The following AHNAK2 variants were observed in gnomAD, a reference collection of about 807,000 sequenced individuals.
AHNAK2 encodes protein AHNAK2.
Under a neutral mutation model 30.7 loss-of-function variants are expected in AHNAK2, and 18 were observed. The ratio of observed to expected loss-of-function variants is 0.59; its 90% CI spans 0.41 to 0.87. The LOEUF is 0.87. AHNAK2 is among the 40% of genes least tolerant of loss of function. AHNAK2 has a pLI of 0.00. For synonymous variants in AHNAK2, 3,590 were observed against 3,073.8 expected (o/e 1.17, Z -5.56); for missense variants, 8,604 against 7,373.0 (o/e 1.17, Z -6.11).
Position 104,941,952 on chromosome 14 carries a change from G to A in AHNAK2, c.13499C>T (p.Pro4500Leu). 6.2e-7 allele frequency: 1 copy of A among 1,613,620 alleles called. No homozygotes were observed. The highest frequency in any genetic ancestry group is 8.5e-7 in the Non-Finnish European group (1 of 1,179,696). ...APKMEADMSI[P>L]SMQGDLKTTD... ...GGTCTTGAGGTCCCCCTGCATGGAG[G>A]GAATGCTCATGTCGGCCTCCATCTT... The change falls in exon 7 of 7, where the codon CCC becomes CTC. Residue 4500 changes from proline to leucine, a missense_variant. Coordinates refer to ENST00000333244, the MANE Select transcript of AHNAK2 (RefSeq NM_138420.4).
In AHNAK2 at chr14:104,941,050, T is replaced by G. The variant is rs757337922; in HGVS notation, c.14401A>C (p.Arg4801=). Residue 4801 remains arginine (R), a synonymous_variant, in exon 7 of 7, where the codon AGA becomes CGA. Coordinates refer to ENST00000333244, the MANE Select transcript of AHNAK2 (RefSeq NM_138420.4). ...TLTKYQVTVP[R]AALAPELALE... ...GCAAGCTCAGGGGCCAAGGCAGCTC[T>G]GGGAACAGTCACCTGGTATTTTGTA... The G allele has an allele frequency of 1.2e-5, 20 of 1,613,614 alleles. No homozygotes were observed. The highest frequency in any genetic ancestry group is 1.7e-5 in the Non-Finnish European group (20 of 1,179,894).
At position 104,952,346 on chromosome 14, in the gene AHNAK2, G is replaced by C; in HGVS notation, c.3105C>G (p.Pro1035=). 1 of 1,612,834 alleles carries C rather than the reference G, an allele frequency of 6.2e-7. No homozygotes were observed. The highest frequency in any genetic ancestry group is 1.1e-5 in the South Asian group (1 of 91,052). The change falls in exon 7 of 7, where the codon CCC becomes CCG. Residue 1035 remains proline (P), a synonymous_variant. Transcript: ENST00000333244. ...APKVEADLSL[P]SMQGDLKTTD... Reference sequence around the variant, plus strand: ...TGGTCTTCAGGTCCCCCTGCATGGAGGGGAGACTCAGGTCGGCCTCCACCT... The same window carrying C: ...TGGTCTTCAGGTCCCCCTGCATGGACGGGAGACTCAGGTCGGCCTCCACCT...
Position 104,949,964 on chromosome 14 carries a change from C to G in AHNAK2, c.5487G>C (p.Lys1829Asn), listed in dbSNP as rs2140851883. ...GGGCAGACACCCCGAACGACGGCATCTTGAACTTGGGCATTTTGAACTTGC... is the reference window on the plus strand; with the variant it reads ...GGGCAGACACCCCGAACGACGGCATGTTGAACTTGGGCATTTTGAACTTGC... ...KDSKFKMPKF[K>N]MPSFGVSAPG... Residue 1829 changes from lysine (K) to asparagine (N), a missense_variant, in exon 7 of 7, where the codon AAG (lysine) becomes AAC (asparagine). Coordinates refer to ENST00000333244, the MANE Select transcript of AHNAK2 (RefSeq NM_138420.4). 6.3e-7 allele frequency: 1 copy of G among 1,589,340 alleles called. No homozygotes were observed. The highest frequency in any genetic ancestry group is 1.1e-5 in the South Asian group (1 of 90,110).
intron 4 of AHNAK2, 27 bp from the exon 5 acceptor site, chr14:104,955,660 G>A (rs897484471): frequency 6.2e-7 from 1 of 1,607,556 alleles, no homozygotes; most frequent in Non-Finnish European, 8.5e-7. Flanking sequence ...TCAGGGCCAT[G>A]GTGAGCATGT....
In AHNAK2 at chr14:104,950,446, CA is replaced by C. The variant is rs1898621919; in HGVS notation, c.5004del (p.Phe1668LeufsTer25). On this transcript the variant is annotated frameshift_variant, in exon 7 of 7. Transcript: ENST00000333244. LOFTEE classifies it low-confidence loss of function (END_TRUNC). ...ATGGACTTGCCTGGGGCCGACACCC[CA>C]AATGATGGCATCTTGAACTTGGGCA... ...FKMPKFKMPS[F>X]GVSAPGKSIE... 1 of 1,586,672 alleles carries C rather than the reference CA, an allele frequency of 6.3e-7. No homozygotes were observed. Among genetic ancestry groups the C allele is most frequent in the African/African-American group, 1.4e-5 (1 of 72,570 alleles).
At position 104,948,516 on chromosome 14, in the gene AHNAK2, G is replaced by A; in HGVS notation, c.6935C>T (p.Thr2312Ile). ...CATTTTGAACTTGCTGTCTTTGGCA[G>A]TCACGTCCTTGTCGGCCAGGGACAT... is the stretch of plus-strand genomic sequence containing the variant. ...GDMSLADKDV[T>I]AKDSKFKMPK... The change falls in exon 7 of 7, where the codon ACT (threonine) becomes ATT (isoleucine). Residue 2312 changes from threonine (T) to isoleucine (I), a missense_variant. Physicochemically the swap from Thr to Ile is moderately conservative, Grantham distance 89 (BLOSUM62 -1). Coordinates refer to ENST00000333244, the MANE Select transcript of AHNAK2 (RefSeq NM_138420.4). The A allele has an allele frequency of 1.2e-6, 2 of 1,612,050 alleles. No individual in the cohort carries two copies. Among genetic ancestry groups the A allele is most frequent in the Non-Finnish European group, 1.7e-6 (2 of 1,179,550 alleles).
In AHNAK2 at chr14:104,937,996, T is replaced by C; in HGVS notation, c.*67A>G. 6.6e-7 allele frequency: 1 copy of C among 1,519,680 alleles called. No homozygotes were observed. The highest frequency in any genetic ancestry group is 8.9e-7 in the Non-Finnish European group (1 of 1,119,644). The allele number at this position is 1,519,680 out of a possible 1,614,324, so 94.1% of individuals were successfully genotyped here. ...GTGCTGTGGGATGGGGTGCTCCATA[T>C]GTGTGTGTAGCCTTTACTTTCCAAC... On this transcript the variant is annotated 3_prime_UTR_variant, in exon 7 of 7. Transcript: ENST00000333244.
At position 104,941,127 on chromosome 14, in the gene AHNAK2, G is replaced by A. The variant is rs1355070969; in HGVS notation, c.14324C>T (p.Thr4775Ile). 6.2e-7 allele frequency: 1 copy of A among 1,613,638 alleles called. No individual in the cohort carries two copies. ...AGFPSSRLDLTGPHFESSILS... is the reference protein window; with the variant it reads ...AGFPSSRLDLIGPHFESSILS... ...AATAGAAGATTCAAAGTGAGGACCA[G>A]TGAGATCAAGCCGGGATGATGGAAA... Residue 4775 changes from threonine (T) to isoleucine (I), a missense_variant, in exon 7 of 7, where the codon ACT (threonine) becomes ATT (isoleucine). Thr to Ile is a moderately conservative substitution (Grantham distance 89). Coordinates refer to ENST00000333244, the MANE Select transcript of AHNAK2 (RefSeq NM_138420.4).
intron 1 of AHNAK2, among the ~76,000 whole-genome samples, chr14:104,965,418 A>G (rs1025998357): frequency 1.4e-4 from 21 of 150,978 alleles, no homozygotes; most frequent in Admixed American, 2.6e-4. Flanking sequence ...AAAAAAAAAA[A>G]AAAGAAAAGA....
At position 104,950,273 on chromosome 14, in the gene AHNAK2, G is replaced by T; in HGVS notation, c.5178C>A (p.Leu1726=). ...EVQAGQVNVK[L]PEGPLPEGAG... is the part of the protein sequence containing the mutation. ...CTCCCTCGGGAAGGGGGCCCTCCGG[G>T]AGTTTCACGTTCACTTGGCCAGCCT... is the stretch of plus-strand genomic sequence containing the variant. Residue 1726 remains leucine, a synonymous_variant, in exon 7 of 7, where the codon CTC becomes CTA. Transcript: ENST00000333244. 3 of 1,585,804 alleles carry T rather than the reference G, an allele frequency of 1.9e-6. No individual in the cohort carries two copies. The highest frequency in any genetic ancestry group is 1.1e-5 in the South Asian group (1 of 89,776).
intron 1 of AHNAK2, among the ~76,000 whole-genome samples, chr14:104,975,700 A>C (rs1899573488): frequency 6.6e-6 from 1 of 152,128 alleles, no homozygotes; most frequent in African/African-American, 2.4e-5. Context: ...GCAGAATGGG[A>C]ATACAGCCCT....
At position 104,967,509 on chromosome 14, in the gene AHNAK2, AAGG is replaced by A. The variant is rs565274968; in HGVS notation, c.56-9840_56-9838del. On this transcript the variant is annotated intron_variant, in intron 1 of 6. Transcript: ENST00000333244. ...CCTGTGCTGGGAACCTGCATGGGGG[AAGG>A]AGGAGGAGACGTGACCAGCCCTGCT... 1.3e-4 allele frequency among the ~76,000 whole-genome samples: 20 copies of A among 152,176 alleles called. No individual in the cohort carries two copies. In the East Asian group the frequency reaches 3.7e-3, roughly 28 times the overall value.
intron 3 of AHNAK2, 38 bp downstream of exon 3, chr14:104,957,372 G>A (rs768949069): frequency 2.6e-6 from 4 of 1,533,728 alleles, no homozygotes; most frequent in East Asian, 2.4e-5. Flanking sequence ...TGCAGGAGGA[G>A]ACCTGGGTGC....
In AHNAK2 at chr14:104,951,528, G is replaced by A; in HGVS notation, c.3923C>T (p.Ala1308Val). ...MQAPGAKLDG[A>V]QLDGDLSLAD... The stretch of plus-strand genomic sequence containing the variant: ...CAGGGACAGGTCCCCGTCCAGCTGT[G>A]CGCCATCCAACTTGGCTCCCGGGGC... The change falls in exon 7 of 7, where the codon GCA (alanine) becomes GTA (valine). Residue 1308 changes from alanine to valine, a missense_variant. Ala to Val is a moderately conservative substitution (Grantham distance 64, BLOSUM62 0). Coordinates refer to ENST00000333244, the MANE Select transcript of AHNAK2 (RefSeq NM_138420.4). 1 of 1,245,908 alleles carries A rather than the reference G, an allele frequency of 8.0e-7. No individual in the cohort carries two copies. Among genetic ancestry groups the A allele is most frequent in the Non-Finnish European group, 1.1e-6 (1 of 880,388 alleles). 77.2% of individuals were successfully genotyped at this position (1,245,908 alleles called of 1,614,324 possible).
At chr14:104,968,228 T>G (rs988886086) in intron 1 of AHNAK2, among the ~76,000 whole-genome samples, 1 of 152,058 alleles carries the variant, frequency 6.6e-6, no homozygotes, top group African/African-American at 2.4e-5. Flanking sequence ...GGGACCCAGG[T>G]CAGTCCCTTG....
chr14:104,975,015 G>A (rs1417587117), intron 1 of AHNAK2, among the ~76,000 whole-genome samples: 1 of 152,242 alleles, frequency 6.6e-6, no homozygotes, highest in Non-Finnish European at 1.5e-5. Context: ...CAGAGTCTAA[G>A]GGAGAGCTGG....
At position 104,941,436 on chromosome 14, in the gene AHNAK2, A is replaced by C. The variant is rs937305472; in HGVS notation, c.14015T>G (p.Val4672Gly). Residue 4672 changes from valine (V) to glycine (G), a missense_variant, in exon 7 of 7, where the codon GTT (valine) becomes GGT (glycine). Transcript: ENST00000333244. ...TSTFPIVESV[V>G]HEGDLHDPSR... ...TGGATCATGAAGATCACCTTCATGA[A>C]CAACAGATTCCACAATGGGAAATGT... 6.2e-7 allele frequency: 1 copy of C among 1,612,742 alleles called. No homozygotes were observed. Among genetic ancestry groups the C allele is most frequent in the African/African-American group, 1.3e-5 (1 of 74,952 alleles).
Position 104,944,429 on chromosome 14 carries a change from G to T in AHNAK2, c.11022C>A (p.Leu3674=). 1 of 1,612,962 alleles carries T rather than the reference G, an allele frequency of 6.2e-7. No homozygotes were observed. Among genetic ancestry groups the T allele is most frequent in the Non-Finnish European group, 8.5e-7 (1 of 1,179,552 alleles). The change falls in exon 7 of 7, where the codon CTC becomes CTA. Residue 3674 remains leucine, a synonymous_variant. Transcript: ENST00000333244. ...TCTTCAGGTCCCCCTGCATGGAGGG[G>T]AGACTCACATCGGCTTCCACCTTGG... ...SAPKVEADVS[L]PSMQGDLKTT...
In AHNAK2 at chr14:104,944,635, C is replaced by A. The variant is rs1275408485; in HGVS notation, c.10816G>T (p.Val3606Leu). 1 of 1,613,234 alleles carries A rather than the reference C, an allele frequency of 6.2e-7. No individual in the cohort carries two copies. Among genetic ancestry groups the A allele is most frequent in the African/African-American group, 1.3e-5 (1 of 74,730 alleles). The change falls in exon 7 of 7, where the codon GTG (valine) becomes TTG (leucine). Residue 3606 changes from valine to leucine, a missense_variant. Transcript: ENST00000333244. ...TTGGCCTTCGGGGCCTGGACATCCA[C>A]CTCCACGCTGGGCAGAGACACCTCG... ...DVEVSLPSVE[V>L]DVQAPKAKLD...
Sources: gnomAD v4.1 joint callset for allele counts (sites outside exome capture counted in the v4.1 genomes callset) on GRCh38, gnomAD v4.1.1 for gene constraint, MANE v1.5 for transcripts, NCBI Gene and HGNC (gene_info 2026-07-23, HGNC 2026-07-21) for gene names.